Variants in PISD observed in about 807,000 individuals in gnomAD.
The protein encoded by PISD is phosphatidylserine decarboxylase proenzyme, mitochondrial.
In PISD, 31 loss-of-function variants were observed where a neutral mutation model predicts 43.5. The observed-to-expected ratio is 0.71, with a 90% CI of 0.54 to 0.96. The LOEUF (loss-of-function observed/expected upper bound fraction) is 0.96, where lower values mean the gene tolerates loss of function less well. Ranked by LOEUF, PISD falls within the 40% of genes least tolerant of loss-of-function variation. PISD has a pLI of 0.00. For synonymous variants in PISD, 259 were observed against 228.7 expected, an observed-to-expected ratio of 1.13 and a Z score of -1.20; for missense variants, 523 against 548.4, an observed-to-expected ratio of 0.95 and a Z score of 0.46.
chr22:31,637,152 A>ATATATATAT (rs1569487108), intron 3 of PISD, among the ~76,000 whole-genome samples: 1 of 30,586 alleles, frequency 3.3e-5, no homozygotes, highest in Non-Finnish European at 6.6e-5. Context: ...TTAAAAAAAA[A>ATATATATAT]AAAAAAAAAA....
At chr22:31,658,469 A>G (rs1414790810) in intron 1 of PISD, among the ~76,000 whole-genome samples, 1 of 152,210 alleles carries the variant, frequency 6.6e-6, no homozygotes, top group African/African-American at 2.4e-5. Context: ...ACATACACTG[A>G]GATGGTCATA....
At chr22:31,623,735 G>C (rs773668209) in intron 3 of PISD, 1 of 1,614,070 alleles carries the variant, frequency 6.2e-7, no homozygotes, top group African/African-American at 1.3e-5. Flanking sequence ...GGGCGCCGAA[G>C]GGCAGGAGGT....
intron 1 of PISD, among the ~76,000 whole-genome samples, chr22:31,655,498 G>A (rs146203138): frequency 6.6e-6 from 1 of 152,170 alleles, no homozygotes; most frequent in East Asian, 1.9e-4. Flanking sequence ...AAATATTTGT[G>A]GAGATAAATA....
chr22:31,662,264 A>T, upstream of PISD: 1 of 1,549,288 alleles, frequency 6.5e-7, no homozygotes, highest in Non-Finnish European at 8.8e-7. Context: ...GCGCACGCTT[A>T]AGGCGTCACG....
chr22:31,629,254 TG>T (rs770804973), intron 3 of PISD: 71 of 983,506 alleles, frequency 7.2e-5, no homozygotes, highest in Non-Finnish European at 8.3e-5. Context: ...TGCATGTAGG[TG>T]GAAGTGTGTG....
intron 3 of PISD, among the ~76,000 whole-genome samples, chr22:31,632,556 T>G (rs1309579647): frequency 6.6e-6 from 1 of 152,146 alleles, no homozygotes; most frequent in Non-Finnish European, 1.5e-5. Flanking sequence ...CTGAGTACCC[T>G]AGTTTCCTCC....
intron 3 of PISD, among the ~76,000 whole-genome samples, chr22:31,645,758 C>T (rs1270092494): frequency 6.8e-6 from 1 of 147,972 alleles, no homozygotes; most frequent in Non-Finnish European, 1.5e-5. Flanking sequence ...ACTGGGAAGG[C>T]TGAGGTGGGA....
At chr22:31,643,789 C>T (rs748660229) in intron 3 of PISD, among the ~76,000 whole-genome samples, 1 of 152,158 alleles carries the variant, frequency 6.6e-6, no homozygotes, top group African/African-American at 2.4e-5. Flanking sequence ...TGGCTCATGC[C>T]TGTAATCCCA....
intron 3 of PISD, among the ~76,000 whole-genome samples, chr22:31,642,711 C>G (rs1229754739): frequency 6.7e-6 from 1 of 149,326 alleles, no homozygotes; most frequent in Non-Finnish European, 1.5e-5. Flanking sequence ...AGGGGAATCA[C>G]TTGAACCCGG....
At chr22:31,633,997 A>C (rs970927683) in intron 3 of PISD, among the ~76,000 whole-genome samples, 2 of 152,104 alleles carry the variant, frequency 1.3e-5, no homozygotes, top group African/African-American at 4.8e-5. Flanking sequence ...TGGGAGTGCC[A>C]CCTAGTGCCA....
At position 31,619,530 on chromosome 22, in the gene PISD, T is replaced by C. The variant is rs1258671429; in HGVS notation, c.*82A>G. On this transcript the variant is annotated 3_prime_UTR_variant, in exon 8 of 8. Coordinates refer to ENST00000439502, the MANE Select transcript of PISD (RefSeq NM_001326411.2). ...ACGCTGAGGCAGGCCCTTACCTGGA[T>C]GGCCTCATGGGCCTCCCTCTTGAAA... 6.3e-6 allele frequency: 7 copies of C among 1,115,670 alleles called. No individual in the cohort carries two copies. The highest frequency in any genetic ancestry group is 2.4e-5 in the East Asian group (1 of 41,040). 69.1% of individuals were successfully genotyped at this position (1,115,670 alleles called of 1,614,324 possible).
chr22:31,657,671 C>A (rs902722908), intron 1 of PISD, among the ~76,000 whole-genome samples: 2 of 152,036 alleles, frequency 1.3e-5, no homozygotes, highest in Admixed American at 1.3e-4. Flanking sequence ...TACAGGAGCA[C>A]ACCACCACAC....
At position 31,648,158 on chromosome 22, in the gene PISD, C is replaced by T. The variant is rs1327802884; in HGVS notation, c.264G>A (p.Glu88=). The T allele has an allele frequency of 2.5e-6, 4 of 1,612,596 alleles. No individual in the cohort carries two copies. Among genetic ancestry groups the T allele is most frequent in the South Asian group, 2.2e-5 (2 of 91,034 alleles). Reference sequence around the variant, plus strand: ...CCAATCCCAGCTTCTCCAGCTCTCGCTCCCTGTACTTCTCATACTGCCGGT... The same window carrying T: ...CCAATCCCAGCTTCTCCAGCTCTCGTTCCCTGTACTTCTCATACTGCCGGT... ...AGYRQYEKYR[E]RELEKLGLEI... Residue 88 remains glutamate (E), a synonymous_variant, in exon 3 of 8, where the codon GAG becomes GAA. Coordinates refer to ENST00000439502, the MANE Select transcript of PISD (RefSeq NM_001326411.2).
intron 6 of PISD, 27 bp downstream of exon 6, chr22:31,620,969 C>T (rs776448111): frequency 3.1e-6 from 5 of 1,593,654 alleles, no homozygotes; most frequent in Non-Finnish European, 4.3e-6. Context: ...ACAGAGGCAG[C>T]TCCCCCCACG....
Position 31,618,841 on chromosome 22 carries a change from T to C in PISD, c.*771A>G, listed in dbSNP as rs906232907. On this transcript the variant is annotated 3_prime_UTR_variant, in exon 8 of 8. Coordinates refer to ENST00000439502, the MANE Select transcript of PISD (RefSeq NM_001326411.2). ...GATATGTGGAGGGGGACAGGAACTCTCCCATTTCCCCAGCTGGGCCTACTA... is the reference window on the plus strand; with the variant it reads ...GATATGTGGAGGGGGACAGGAACTCCCCCATTTCCCCAGCTGGGCCTACTA... The C allele has an allele frequency of 7.4e-5, 12 of 161,178 alleles. No homozygotes were observed. The highest frequency in any genetic ancestry group is 1.4e-4 in the Non-Finnish European group (10 of 73,680). The allele number at this position is 161,178 out of a possible 1,614,324, so 10.0% of individuals were successfully genotyped here.
At chr22:31,625,596 C>CA in intron 3 of PISD, 1 of 774,720 alleles carries the variant, frequency 1.3e-6, no homozygotes, top group South Asian at 1.8e-5. Context: ...GCGGGCTCTC[C>CA]GACTCAGGGT....
At chr22:31,639,097 G>C (rs936487263) in intron 3 of PISD, among the ~76,000 whole-genome samples, 1 of 150,954 alleles carries the variant, frequency 6.6e-6, no homozygotes, top group African/African-American at 2.4e-5. Flanking sequence ...AGGTTCAAGC[G>C]ATTCTCCTGT....
chr22:31,650,270 G>T (rs892466390), intron 2 of PISD, among the ~76,000 whole-genome samples: 3 of 152,032 alleles, frequency 2.0e-5, no homozygotes, highest in Admixed American at 6.6e-5. Context: ...TTGAGGCCAG[G>T]AGTTTGAGAC....
At chr22:31,632,261 C>A (rs527457623) in intron 3 of PISD, 314 of 984,756 alleles carry the variant, frequency 3.2e-4, no homozygotes, top group Non-Finnish European at 3.6e-4. Flanking sequence ...AGATAGGGTC[C>A]TCCTCCATGG....
Sources: allele counts gnomAD v4.1 joint callset (sites outside exome capture counted in the v4.1 genomes callset), GRCh38; gene constraint gnomAD v4.1.1; transcripts MANE v1.5; gene names NCBI Gene and HGNC (gene_info 2026-07-23, HGNC 2026-07-21).